GRM5: variants seen among roughly 807,000 people sequenced by gnomAD.
The protein encoded by GRM5 is metabotropic glutamate receptor 5.
A neutral mutation model predicts 83.1 loss-of-function variants in GRM5; 19 were observed. The ratio of observed to expected loss-of-function variants is 0.23; its 90% CI spans 0.16 to 0.34. The LOEUF (loss-of-function observed/expected upper bound fraction) is 0.34. Ranked by LOEUF, GRM5 falls within the 10% of genes least tolerant of loss-of-function variation. GRM5 has a pLI of 1.00. For missense variants in GRM5, 1,160 were observed against 1,588.3 expected, an observed-to-expected ratio of 0.73 and a Z score of 4.58; for synonymous variants, 675 against 633.6, an observed-to-expected ratio of 1.07 and a Z score of -0.98.
At chr11:88,825,594 C>T (rs1943882662) in intron 3 of GRM5, among the ~76,000 whole-genome samples, 1 of 152,078 alleles carries the variant, frequency 6.6e-6, no homozygotes, top group Non-Finnish European at 1.5e-5. Flanking sequence ...ATTGACAACA[C>T]AAATCACAAG....
chr11:88,909,523 C>T (rs1945458942), intron 2 of GRM5, among the ~76,000 whole-genome samples: 1 of 133,872 alleles, frequency 7.5e-6, no homozygotes, highest in African/African-American at 2.7e-5. Context: ...CAGGATGTTC[C>T]CAAACTCTTC....
At chr11:88,675,876 C>T (rs1002994210) in intron 3 of GRM5, among the ~76,000 whole-genome samples, 10 of 151,974 alleles carry the variant, frequency 6.6e-5, no homozygotes, top group Non-Finnish European at 1.3e-4. Flanking sequence ...GAAAGTTAAA[C>T]ACAGGATTGA....
In GRM5 at chr11:88,578,161, C is replaced by T. The variant is rs115033587; in HGVS notation, c.1691-10169G>A. On this transcript the variant is annotated intron_variant, in intron 7 of 9. Transcript: ENST00000305447. ...ATGGTATTATGTTGTCTTAAATTGT[C>T]TGTAAGTACAAGACAGCCCATAATG... Among the ~76,000 whole-genome samples the T allele has an allele frequency of 7.3e-3, 1,117 of 152,154 alleles. 11 individuals carry two copies. The highest frequency in any genetic ancestry group is 0.026 in the African/African-American group (1,079 of 41,534).
intron 3 of GRM5, among the ~76,000 whole-genome samples, chr11:88,706,118 T>A (rs1252028232): frequency 6.6e-6 from 1 of 152,094 alleles, no homozygotes; most frequent in African/African-American, 2.4e-5. Flanking sequence ...AATCCTGTGC[T>A]TCTTGATGAG....
intron 3 of GRM5, among the ~76,000 whole-genome samples, chr11:88,724,908 C>G (rs1419944883): frequency 6.6e-6 from 1 of 152,134 alleles, no homozygotes; most frequent in Non-Finnish European, 1.5e-5. Context: ...TCACAACCCG[C>G]AGACCAGAGA....
intron 2 of GRM5, among the ~76,000 whole-genome samples, chr11:88,921,973 G>A (rs1327183283): frequency 6.7e-6 from 1 of 150,252 alleles, no homozygotes; most frequent in Non-Finnish European, 1.5e-5. Context: ...AAGAAATCAA[G>A]AAAGTAATCC....
At chr11:88,702,034 A>G (rs1190096980) in intron 3 of GRM5, among the ~76,000 whole-genome samples, 1 of 152,086 alleles carries the variant, frequency 6.6e-6, no homozygotes, top group Admixed American at 6.6e-5. Context: ...AAAATGAGTC[A>G]TATTTGACCT....
intron 2 of GRM5, among the ~76,000 whole-genome samples, chr11:88,919,419 A>C (rs1945652649): frequency 6.6e-6 from 1 of 150,996 alleles, no homozygotes; most frequent in African/African-American, 2.4e-5. Context: ...ATAAGAGCTA[A>C]AGAGAGTGAT....
At chr11:88,771,391 T>G (rs1942733428) in intron 3 of GRM5, among the ~76,000 whole-genome samples, 1 of 152,098 alleles carries the variant, frequency 6.6e-6, no homozygotes, top group African/African-American at 2.4e-5. Context: ...GAGCCTTCAT[T>G]CCACGGCTGA....
intron 8 of GRM5, among the ~76,000 whole-genome samples, chr11:88,537,093 T>C (rs921759084): frequency 6.6e-6 from 1 of 152,164 alleles, no homozygotes; most frequent in Non-Finnish European, 1.5e-5. Context: ...AACTTACTTT[T>C]TCTTTATTTC....
chr11:88,595,900 A>AT (rs911267226), intron 6 of GRM5, among the ~76,000 whole-genome samples: 2 of 152,056 alleles, frequency 1.3e-5, no homozygotes, highest in African/African-American at 4.8e-5. Flanking sequence ...GTCCGTATTT[A>AT]TTTTTTATTT....
intron 2 of GRM5, among the ~76,000 whole-genome samples, chr11:88,854,562 T>C (rs1944439857): frequency 6.6e-6 from 1 of 151,882 alleles, no homozygotes; most frequent in East Asian, 1.9e-4. Context: ...AAAGCACACA[T>C]TGGAAACAGG....
At chr11:88,661,635 T>C (rs1371073340) in intron 3 of GRM5, among the ~76,000 whole-genome samples, 1 of 152,184 alleles carries the variant, frequency 6.6e-6, no homozygotes, top group African/African-American at 2.4e-5. Context: ...TTTCACATAA[T>C]ATTGCTCCGT....
At chr11:88,728,426 A>G (rs193106348) in intron 3 of GRM5, among the ~76,000 whole-genome samples, 12 of 152,146 alleles carry the variant, frequency 7.9e-5, no homozygotes, top group Admixed American at 4.6e-4. Flanking sequence ...TGGATTCACA[A>G]CCGAATTCTA....
chr11:88,590,821 C>A (rs1937627523), intron 6 of GRM5, 94 bp from the exon 7 acceptor site: 2 of 769,748 alleles, frequency 2.6e-6, no homozygotes, highest in Middle Eastern at 2.5e-4. Context: ...AGCAGAAAGG[C>A]CTTTCACATA....
At chr11:88,650,678 T>C (rs1392103781) in intron 4 of GRM5, among the ~76,000 whole-genome samples, 1 of 152,064 alleles carries the variant, frequency 6.6e-6, no homozygotes, top group Non-Finnish European at 1.5e-5. Flanking sequence ...TTGCACTTCA[T>C]AGTAAGACAT....
chr11:88,508,553 C>T lies in GRM5; in HGVS notation c.*39G>A, dbSNP rs1591308536. On this transcript the variant is annotated 3_prime_UTR_variant, in exon 10 of 10. Coordinates refer to ENST00000305447, the MANE Select transcript of GRM5 (RefSeq NM_001143831.3). The surrounding 1 kb of genome is among the most constrained non-coding windows in gnomAD (Gnocchi z 4.2). Reference sequence around the variant, plus strand: ...GTGTGTGTGTGAACACGGGGGGCTCCGCTCCGCACGCGCAGGCCGGCGTGC... The same window carrying T: ...GTGTGTGTGTGAACACGGGGGGCTCTGCTCCGCACGCGCAGGCCGGCGTGC... 6 of 1,553,424 alleles carry T rather than the reference C, an allele frequency of 3.9e-6. No individual in the cohort carries two copies. Among genetic ancestry groups the T allele is most frequent in the African/African-American group, 1.4e-5 (1 of 72,304 alleles).
intron 2 of GRM5, among the ~76,000 whole-genome samples, chr11:88,926,536 C>T (rs1945792003): frequency 6.6e-6 from 1 of 152,126 alleles, no homozygotes; most frequent in Admixed American, 6.6e-5. Flanking sequence ...TATCTCTTCA[C>T]ATATACCTTT....
At chr11:88,838,043 C>T (rs1944124040) in intron 3 of GRM5, among the ~76,000 whole-genome samples, 1 of 136,568 alleles carries the variant, frequency 7.3e-6, no homozygotes, top group South Asian at 2.4e-4. Flanking sequence ...CCAGATCGCG[C>T]CACTGCACTC....
Sources: gnomAD v4.1 joint callset for allele counts (sites outside exome capture counted in the v4.1 genomes callset) on GRCh38, gnomAD v4.1.1 for gene constraint, Gnocchi (gnomAD v3.1) non-coding constraint, MANE v1.5 for transcripts, NCBI Gene and HGNC (gene_info 2026-07-23, HGNC 2026-07-21) for gene names.